Variants in SYT1 observed in about 807,000 individuals in gnomAD.
SYT1 encodes the protein synaptotagmin 1.
A neutral mutation model predicts 44.8 loss-of-function variants in SYT1; 8 were observed. The observed-to-expected ratio is 0.18, with a 90% CI of 0.10 to 0.32. The LOEUF is 0.32. Ranked by LOEUF, SYT1 falls within the 10% of genes least tolerant of loss-of-function variation. SYT1 has a pLI of 1.00. For synonymous variants in SYT1, 154 were observed against 188.8 expected, an observed-to-expected ratio of 0.82 and a Z score of 1.51; for missense variants, 286 against 509.3, an observed-to-expected ratio of 0.56 and a Z score of 4.22.
intron 9 of SYT1, among the ~76,000 whole-genome samples, chr12:79,401,399 C>A (rs1340867168): frequency 1.3e-5 from 2 of 150,526 alleles, no homozygotes. Flanking sequence ...GTGTCAATTA[C>A]AAAAAAAAAG....
At chr12:79,276,664 G>C (rs1878742503) in intron 4 of SYT1, among the ~76,000 whole-genome samples, 2 of 144,986 alleles carry the variant, frequency 1.4e-5, no homozygotes, top group Non-Finnish European at 1.5e-5. Flanking sequence ...GACAGAGCAA[G>C]ACTCCATCAA....
intron 1 of SYT1, among the ~76,000 whole-genome samples, chr12:78,959,799 A>C (rs944101423): frequency 6.6e-6 from 1 of 152,182 alleles, no homozygotes; most frequent in Non-Finnish European, 1.5e-5. Flanking sequence ...GAAAAGTGAG[A>C]TAACAGGGGA....
chr12:79,085,263 G>GA (rs1467450234), intron 3 of SYT1, among the ~76,000 whole-genome samples: 1 of 152,056 alleles, frequency 6.6e-6, no homozygotes, highest in African/African-American at 2.4e-5. Context: ...TTACTACAGT[G>GA]AAAAATTAAT....
chr12:79,131,960 T>C (rs561659136), intron 3 of SYT1, among the ~76,000 whole-genome samples: 11 of 152,342 alleles, frequency 7.2e-5, no homozygotes, highest in Admixed American at 7.2e-4. Flanking sequence ...TTTTTATTCC[T>C]TTTGAGTTAA....
intron 9 of SYT1, among the ~76,000 whole-genome samples, chr12:79,383,591 C>A (rs180951115): frequency 7.5e-4 from 114 of 152,246 alleles, no homozygotes; most frequent in Middle Eastern, 6.8e-3. Flanking sequence ...CCTTTATGTC[C>A]ATTTTGTTGT....
intron 1 of SYT1, among the ~76,000 whole-genome samples, chr12:78,949,260 C>A (rs767477980): frequency 6.6e-5 from 10 of 151,444 alleles, no homozygotes; most frequent in Non-Finnish European, 1.2e-4. Context: ...ATAGGACTCC[C>A]GTGAAATACT....
chr12:79,244,880 A>G (rs1876729418), intron 4 of SYT1, among the ~76,000 whole-genome samples: 1 of 151,860 alleles, frequency 6.6e-6, no homozygotes, highest in African/African-American at 2.4e-5. Flanking sequence ...TTCTTTTTCT[A>G]TGTGGCAATA....
rs71091653 is a variant in SYT1 at position 79,215,918 on chromosome 12, C to CTTTTTTTTTT, written c.-17-1564_-17-1555dup. ...ACTCACAAATCGTTTGCATTTCTTT[C>CTTTTTTTTTT]TTTTTTTTTTTTTTTTTTTTTTTTT... On this transcript the variant is annotated intron_variant, in intron 3 of 10. Transcript: ENST00000261205. Among the ~76,000 whole-genome samples, 76 of 76,798 alleles carry CTTTTTTTTTT rather than the reference C, an allele frequency of 9.9e-4. 4 individuals are homozygous for CTTTTTTTTTT. The highest frequency in any genetic ancestry group is 0.012 in the Middle Eastern group (1 of 84). 50.4% of individuals were successfully genotyped at this position (76,798 alleles called of 152,430 possible). A position where few individuals can be genotyped will look rare whatever the true frequency, so the allele number is the denominator to read the frequency against.
At chr12:78,915,748 C>T (rs1414827087) in intron 1 of SYT1, among the ~76,000 whole-genome samples, 4 of 151,434 alleles carry the variant, frequency 2.6e-5, no homozygotes, top group Non-Finnish European at 5.9e-5. Context: ...ATTTTATGTC[C>T]TTTTACAATT....
chr12:78,919,011 T>C (rs973248565), intron 1 of SYT1, among the ~76,000 whole-genome samples: 1 of 152,010 alleles, frequency 6.6e-6, no homozygotes, highest in Non-Finnish European at 1.5e-5. Flanking sequence ...TGAAAGATTA[T>C]AACGAAAATT....
intron 3 of SYT1, among the ~76,000 whole-genome samples, chr12:79,139,604 T>C (rs1443285688): frequency 1.3e-5 from 2 of 152,200 alleles, no homozygotes; most frequent in Admixed American, 6.5e-5. Context: ...TTAATGGTAC[T>C]TTTTGATAAA....
intron 1 of SYT1, among the ~76,000 whole-genome samples, chr12:78,931,246 G>A (rs35793037): frequency 0.02 from 570 of 28,394 alleles, 1 homozygote; most frequent in Middle Eastern, 0.045. Flanking sequence ...AAAGAAGGAA[G>A]GAAGGAAGGA....
chr12:79,080,656 T>G (rs1425139416), intron 3 of SYT1, among the ~76,000 whole-genome samples: 1 of 152,166 alleles, frequency 6.6e-6, no homozygotes, highest in Non-Finnish European at 1.5e-5. Context: ...TTGATGAGAA[T>G]GTACTGGCTC....
At position 79,349,040 on chromosome 12, in the gene SYT1, AGAAAGAAAGAAAGAAAGGAGGGAG is replaced by A. The variant is rs1181815278; in HGVS notation, c.811-4460_811-4437del. Among the ~76,000 whole-genome samples, 302 of 135,180 alleles carry A rather than the reference AGAAAGAAAGAAAGAAAGGAGGGAG, an allele frequency of 2.2e-3. 1 individual carries two copies. Among genetic ancestry groups the A allele is most frequent in the African/African-American group, 8.2e-3 (290 of 35,194 alleles). The allele number at this position is 135,180 out of a possible 152,430, so 88.7% of individuals were successfully genotyped here. A position where few individuals can be genotyped will look rare whatever the true frequency, so the allele number is the denominator to read the frequency against. On this transcript the variant is annotated intron_variant, in intron 8 of 10. Coordinates refer to ENST00000261205, the MANE Select transcript of SYT1 (RefSeq NM_005639.3). ...GAAAGAAAGAAAGAAAGAAAAAGAA[AGAAAGAAAGAAAGAAAGGAGGGAG>A]GGAGGGAGGGAGGGAAGGAAGGGAG...
intron 4 of SYT1, among the ~76,000 whole-genome samples, chr12:79,235,715 C>T (rs1876149797): frequency 6.6e-6 from 1 of 150,576 alleles, no homozygotes; most frequent in Non-Finnish European, 1.5e-5. Context: ...CAATTCAATA[C>T]AAATATGAGC....
At chr12:79,349,029 A>C (rs1340367346) in intron 8 of SYT1, among the ~76,000 whole-genome samples, 1 of 127,980 alleles carries the variant, frequency 7.8e-6, no homozygotes, top group Non-Finnish European at 1.7e-5. Context: ...GAAAGAAAGA[A>C]AGAAAAAGAA....
chr12:79,050,788 T>A (rs955060338), intron 3 of SYT1, among the ~76,000 whole-genome samples: 4 of 152,016 alleles, frequency 2.6e-5, no homozygotes, highest in African/African-American at 9.7e-5. Flanking sequence ...TTTGCAAATA[T>A]CCCAAATGTT....
chr12:78,956,587 G>GA (rs71441945), intron 1 of SYT1, among the ~76,000 whole-genome samples: 17,922 of 144,632 alleles, frequency 0.12, 1,294 homozygotes, highest in Non-Finnish European at 0.18. Flanking sequence ...CATCAAAAAT[G>GA]AAAAAAAAAA....
intron 3 of SYT1, among the ~76,000 whole-genome samples, chr12:79,122,513 CA>C (rs58384133): frequency 0.34 from 21,665 of 63,962 alleles, 1,489 homozygotes; most frequent in Admixed American, 0.44. Context: ...GACTCCGTCT[CA>C]AAAAAAAAAA....
Sources: allele counts gnomAD v4.1 joint callset (sites outside exome capture counted in the v4.1 genomes callset), GRCh38; gene constraint gnomAD v4.1.1; transcripts MANE v1.5; gene names NCBI Gene and HGNC (gene_info 2026-07-23, HGNC 2026-07-21).